MARCHF1: variants seen among roughly 807,000 people sequenced by gnomAD.
MARCHF1 encodes membrane associated ring-CH-type finger 1.
A neutral mutation model predicts 54.2 loss-of-function variants in MARCHF1; 40 were observed. The observed-to-expected ratio is 0.74, with a 90% CI of 0.57 to 0.96. The LOEUF is 0.96. Among genes scored for constraint, MARCHF1 ranks in the 40% least tolerant of loss-of-function variants. The pLI is 0.00. For synonymous variants in MARCHF1, 236 were observed against 236.3 expected, an observed-to-expected ratio of 1.00 and a Z score of 0.01; for missense variants, 586 against 656.5, an observed-to-expected ratio of 0.89 and a Z score of 1.17.
chr4:163,797,435 G>T (rs1747950273), intron 4 of MARCHF1, among the ~76,000 whole-genome samples: 1 of 151,848 alleles, frequency 6.6e-6, no homozygotes, highest in Non-Finnish European at 1.5e-5. Context: ...AACAATTCTT[G>T]AAGTTGCCAA....
At chr4:163,957,224 T>C (rs1752249463) in intron 3 of MARCHF1, among the ~76,000 whole-genome samples, 2 of 152,072 alleles carry the variant, frequency 1.3e-5, no homozygotes, top group African/African-American at 4.8e-5. Context: ...ATGCATTAAA[T>C]TTTACCATCA....
intron 3 of MARCHF1, among the ~76,000 whole-genome samples, chr4:163,935,442 C>A (rs1026510696): frequency 8.5e-5 from 13 of 152,170 alleles, no homozygotes; most frequent in African/African-American, 2.9e-4. Flanking sequence ...GCTGAAGCTT[C>A]TCCATTAGCA....
At chr4:164,378,484 C>T (rs1383270335) in intron 1 of MARCHF1, among the ~76,000 whole-genome samples, 7 of 152,182 alleles carry the variant, frequency 4.6e-5, no homozygotes, top group Non-Finnish European at 7.4e-5. Context: ...GGAGTCTTGT[C>T]CTGGCTTGTG....
chr4:164,186,378 C>G (rs981669287), intron 1 of MARCHF1, among the ~76,000 whole-genome samples: 1 of 152,130 alleles, frequency 6.6e-6, no homozygotes, highest in African/African-American at 2.4e-5. Flanking sequence ...TATCATTTAG[C>G]CATGCTCTAT....
intron 1 of MARCHF1, among the ~76,000 whole-genome samples, chr4:164,142,605 G>A (rs1756577610): frequency 6.6e-6 from 1 of 152,150 alleles, no homozygotes; most frequent in Non-Finnish European, 1.5e-5. Context: ...ACCTGCAGCT[G>A]AGGGTCCTGT....
At chr4:163,634,534 C>T (rs919222658) in intron 5 of MARCHF1, among the ~76,000 whole-genome samples, 9 of 151,428 alleles carry the variant, frequency 5.9e-5, no homozygotes, top group South Asian at 2.1e-4. Flanking sequence ...ATGAATTCAA[C>T]AAGAAGAGCT....
At chr4:163,902,847 A>G (rs1029056526) in intron 3 of MARCHF1, among the ~76,000 whole-genome samples, 8 of 152,140 alleles carry the variant, frequency 5.3e-5, no homozygotes, top group Non-Finnish European at 1.0e-4. Flanking sequence ...TTGTATGTCT[A>G]AATTCTCCAA....
At chr4:163,741,356 G>T (rs1029108837) in intron 4 of MARCHF1, among the ~76,000 whole-genome samples, 3 of 151,910 alleles carry the variant, frequency 2.0e-5, no homozygotes, top group Admixed American at 2.0e-4. Flanking sequence ...AGGCCGAGGT[G>T]GGTGGATTAC....
At chr4:163,857,800 C>A (rs1270012176) in intron 3 of MARCHF1, among the ~76,000 whole-genome samples, 2 of 152,112 alleles carry the variant, frequency 1.3e-5, no homozygotes, top group Non-Finnish European at 2.9e-5. Context: ...TTGTTCCAGA[C>A]ACCGTGCTTG....
At chr4:163,697,025 A>T (rs1352137853) in intron 5 of MARCHF1, among the ~76,000 whole-genome samples, 2 of 152,092 alleles carry the variant, frequency 1.3e-5, no homozygotes, top group Non-Finnish European at 2.9e-5. Context: ...CAGCAAAGGG[A>T]AAAGGCACAG....
chr4:163,917,941 T>C (rs1467221894), intron 3 of MARCHF1, among the ~76,000 whole-genome samples: 1 of 152,212 alleles, frequency 6.6e-6, no homozygotes, highest in Non-Finnish European at 1.5e-5. Context: ...CAATTGCTTT[T>C]GGTGATTTCA....
intron 5 of MARCHF1, among the ~76,000 whole-genome samples, chr4:163,676,971 T>A (rs1372828034): frequency 6.6e-6 from 1 of 151,794 alleles, no homozygotes; most frequent in Non-Finnish European, 1.5e-5. Context: ...AAATAGAATT[T>A]AAGGCAAAAA....
At chr4:163,892,765 G>T (rs1468885404) in intron 3 of MARCHF1, among the ~76,000 whole-genome samples, 2 of 152,080 alleles carry the variant, frequency 1.3e-5, no homozygotes, top group Non-Finnish European at 2.9e-5. Context: ...GAGCTGGTAA[G>T]GGTCTGAAGG....
chr4:163,837,247 G>A (rs988333477), intron 4 of MARCHF1, among the ~76,000 whole-genome samples: 7 of 151,946 alleles, frequency 4.6e-5, no homozygotes, highest in Admixed American at 1.3e-4. Flanking sequence ...ACTTGTCTAT[G>A]GTCACACAAG....
At chr4:163,697,300 C>T (rs1400697631) in intron 5 of MARCHF1, among the ~76,000 whole-genome samples, 4 of 152,166 alleles carry the variant, frequency 2.6e-5, no homozygotes, top group African/African-American at 9.7e-5. Context: ...CACAGTGAAT[C>T]ATCCTTAACA....
chr4:163,690,900 T>C (rs1218582073), intron 5 of MARCHF1, among the ~76,000 whole-genome samples: 7 of 152,228 alleles, frequency 4.6e-5, no homozygotes, highest in Non-Finnish European at 1.0e-4. Flanking sequence ...TACATCTCCT[T>C]CTGGGAACCA....
chr4:164,232,202 A>T (rs1186169014), intron 1 of MARCHF1, among the ~76,000 whole-genome samples: 1 of 152,152 alleles, frequency 6.6e-6, no homozygotes, highest in Admixed American at 6.6e-5. Flanking sequence ...AATCACTGCC[A>T]TCACTTGAAT....
intron 1 of MARCHF1, among the ~76,000 whole-genome samples, chr4:164,307,867 C>T (rs574769526): frequency 2.0e-5 from 3 of 152,156 alleles, no homozygotes; most frequent in Non-Finnish European, 4.4e-5. Flanking sequence ...CCTATTTTGC[C>T]TCCTTTCCAG....
intron 9 of MARCHF1, among the ~76,000 whole-genome samples, chr4:163,540,989 T>G (rs936774545): frequency 2.6e-5 from 4 of 152,046 alleles, no homozygotes; most frequent in Admixed American, 6.5e-5. Context: ...ATCGCACCAC[T>G]GCACTCCAGC....
Sources: allele counts gnomAD v4.1 joint callset (sites outside exome capture counted in the v4.1 genomes callset), GRCh38; gene constraint gnomAD v4.1.1; transcripts MANE v1.5; gene names NCBI Gene and HGNC (gene_info 2026-07-23, HGNC 2026-07-21).